Variants in PTPRK observed in about 807,000 individuals in gnomAD.
PTPRK encodes the protein protein tyrosine phosphatase receptor type K.
Under a neutral mutation model 178.0 loss-of-function variants are expected in PTPRK, and 75 were observed. The ratio of observed to expected loss-of-function variants is 0.42; its 90% CI spans 0.35 to 0.51. The LOEUF (loss-of-function observed/expected upper bound fraction) is 0.51, where lower values mean the gene tolerates loss of function less well. Among genes scored for constraint, PTPRK ranks in the 20% least tolerant of loss-of-function variants. The pLI, the probability that PTPRK is intolerant of heterozygous loss-of-function variation, is 0.02. For synonymous variants in PTPRK, 637 were observed against 620.6 expected, an observed-to-expected ratio of 1.03 and a Z score of -0.39; for missense variants, 1,441 against 1,797.8, an observed-to-expected ratio of 0.80 and a Z score of 3.59.
At chr6:127,978,739 G>A (rs918676343) in intron 25 of PTPRK, among the ~76,000 whole-genome samples, 1 of 152,150 alleles carries the variant, frequency 6.6e-6, no homozygotes, top group South Asian at 2.1e-4. Flanking sequence ...TGATAAGAGA[G>A]GAGAAGACTG....
chr6:128,101,689 T>C (rs1257179436), intron 7 of PTPRK, among the ~76,000 whole-genome samples: 1 of 152,166 alleles, frequency 6.6e-6, no homozygotes, highest in Non-Finnish European at 1.5e-5. Flanking sequence ...AAAATGCCTT[T>C]GCCCTAGAGC....
chr6:128,094,491 C>G (rs1389876040), intron 7 of PTPRK, among the ~76,000 whole-genome samples: 1 of 151,960 alleles, frequency 6.6e-6, no homozygotes, highest in Admixed American at 6.6e-5. Context: ...TGTGTTAATA[C>G]CAAATGACAA....
intron 7 of PTPRK, among the ~76,000 whole-genome samples, chr6:128,107,811 A>C (rs193249603): frequency 3.1e-4 from 47 of 152,268 alleles, no homozygotes; most frequent in East Asian, 1.9e-4. Context: ...ATCATTGGAC[A>C]AGGATTCACA....
intron 1 of PTPRK, among the ~76,000 whole-genome samples, chr6:128,476,391 G>A (rs1397081680): frequency 1.3e-5 from 2 of 151,900 alleles, no homozygotes; most frequent in South Asian, 2.1e-4. Context: ...TTTGTTGTTG[G>A]TTAAATATTT....
chr6:128,236,195 A>T (rs192850265), intron 5 of PTPRK, among the ~76,000 whole-genome samples: 21 of 152,244 alleles, frequency 1.4e-4, no homozygotes, highest in African/African-American at 4.6e-4. Flanking sequence ...TAGAAGATTT[A>T]AAAAATGTCT....
At chr6:128,252,454 ACTT>A (rs1304832539) in intron 3 of PTPRK, among the ~76,000 whole-genome samples, 1 of 152,210 alleles carries the variant, frequency 6.6e-6, no homozygotes, top group Non-Finnish European at 1.5e-5. Context: ...AAAACACATG[ACTT>A]CTTAGTCTTA....
At chr6:128,401,610 T>C (rs996585078) in intron 1 of PTPRK, among the ~76,000 whole-genome samples, 2 of 152,166 alleles carry the variant, frequency 1.3e-5, no homozygotes, top group African/African-American at 4.8e-5. Context: ...TAAAAGATTA[T>C]TGTCCTAAGA....
At chr6:128,309,269 T>C (rs1826892459) in intron 3 of PTPRK, among the ~76,000 whole-genome samples, 1 of 152,094 alleles carries the variant, frequency 6.6e-6, no homozygotes, top group South Asian at 2.1e-4. Flanking sequence ...TAACCCCTGG[T>C]GCAAGGACAA....
intron 6 of PTPRK, among the ~76,000 whole-genome samples, chr6:128,197,220 G>A (rs1201436112): frequency 7.9e-6 from 1 of 126,634 alleles, no homozygotes; most frequent in Non-Finnish European, 1.6e-5. Flanking sequence ...TTTACTTTAA[G>A]TTCAGGATAC....
At chr6:128,381,489 TA>T (rs920617646) in intron 2 of PTPRK, among the ~76,000 whole-genome samples, 2 of 151,182 alleles carry the variant, frequency 1.3e-5, no homozygotes, top group Non-Finnish European at 3.0e-5. Flanking sequence ...TCCTTGCTTT[TA>T]AAAAAAAAGT....
At chr6:128,049,298 C>T (rs1235697376) in intron 13 of PTPRK, among the ~76,000 whole-genome samples, 1 of 152,094 alleles carries the variant, frequency 6.6e-6, no homozygotes, top group East Asian at 1.9e-4. Context: ...TAGATACAAC[C>T]AAAGTAGTTT....
rs1157518014 is a variant in PTPRK, at chr6:128,082,431, G to A, written c.1777+6C>T. The A allele has an allele frequency of 7.6e-6, 12 of 1,589,304 alleles. No homozygotes were observed. In the Middle Eastern group the frequency reaches 5.0e-4, roughly 66 times the overall value. On this transcript the variant is annotated splice_donor_region_variant and intron_variant, in intron 10 of 29. Coordinates refer to ENST00000368226, the MANE Select transcript of PTPRK (RefSeq NM_002844.4). ...AATCCTATTTGTAATTTATTCATTT[G>A]CATACCTGAGATATTGGTGGTGACA...
At chr6:128,153,191 G>C (rs1374962147) in intron 7 of PTPRK, among the ~76,000 whole-genome samples, 1 of 151,940 alleles carries the variant, frequency 6.6e-6, no homozygotes, top group Non-Finnish European at 1.5e-5. Flanking sequence ...TGTATGATAT[G>C]TGAAATCAAA....
chr6:128,450,130 AAAG>A (rs939671971), intron 1 of PTPRK, among the ~76,000 whole-genome samples: 3 of 151,922 alleles, frequency 2.0e-5, no homozygotes, highest in Non-Finnish European at 4.4e-5. Flanking sequence ...AAAAAAAAAA[AAAG>A]AAGGAAAAGA....
At chr6:128,014,660 C>T (rs1779405754) in intron 13 of PTPRK, among the ~76,000 whole-genome samples, 1 of 151,472 alleles carries the variant, frequency 6.6e-6, no homozygotes, top group Non-Finnish European at 1.5e-5. Flanking sequence ...AATGAAATTA[C>T]TGAAAAACAG....
intron 12 of PTPRK, among the ~76,000 whole-genome samples, chr6:128,065,449 A>C (rs1359052417): frequency 6.6e-6 from 1 of 152,194 alleles, no homozygotes; most frequent in Non-Finnish European, 1.5e-5. Context: ...GTCAGGTGGC[A>C]GTAGGAGACA....
At chr6:128,382,747 AT>A (rs1478286053) in intron 2 of PTPRK, among the ~76,000 whole-genome samples, 3 of 152,030 alleles carry the variant, frequency 2.0e-5, no homozygotes, top group Admixed American at 2.0e-4. Context: ...GCCAAAAATT[AT>A]AAATTGTTTT....
In PTPRK at chr6:128,138,551, G is replaced by A. The variant is rs908574776; in HGVS notation, c.1162+45881C>T. ...ACCTTCCTCTGAAAGTCTCCTTGGT[G>A]TGTTCACCACACTGATTTTTTTATT... On this transcript the variant is annotated intron_variant, in intron 7 of 29. Coordinates refer to ENST00000368226, the MANE Select transcript of PTPRK (RefSeq NM_002844.4). 2.6e-5 allele frequency among the ~76,000 whole-genome samples: 4 copies of A among 152,072 alleles called. No individual in the cohort carries two copies. In the South Asian group the frequency reaches 8.3e-4, roughly 31 times the overall value.
chr6:128,087,198 A>G (rs1476720261), intron 8 of PTPRK, among the ~76,000 whole-genome samples: 1 of 152,162 alleles, frequency 6.6e-6, no homozygotes, highest in African/African-American at 2.4e-5. Context: ...GTTTGTGGGA[A>G]AGAAGGGCAA....
Sources: allele counts gnomAD v4.1 joint callset (sites outside exome capture counted in the v4.1 genomes callset), GRCh38; gene constraint gnomAD v4.1.1; transcripts MANE v1.5; gene names NCBI Gene and HGNC (gene_info 2026-07-23, HGNC 2026-07-21).